The following GLP2R variants were observed in gnomAD, a reference collection of about 807,000 sequenced individuals.
The protein encoded by GLP2R is glucagon like peptide 2 receptor.
A neutral mutation model predicts 68.2 loss-of-function variants in GLP2R; 59 were observed. The observed-to-expected ratio is 0.87, with a 90% CI of 0.70 to 1.07. The LOEUF (loss-of-function observed/expected upper bound fraction) is 1.07, where lower values mean the gene tolerates loss of function less well. Among genes scored for constraint, GLP2R ranks in the 50% least tolerant of loss-of-function variants. GLP2R has a pLI of 0.00. For missense variants in GLP2R, 548 were observed against 677.4 expected, an observed-to-expected ratio of 0.81 and a Z score of 2.12; for synonymous variants, 270 against 265.4, an observed-to-expected ratio of 1.02 and a Z score of -0.17.
intron 1 of GLP2R, among the ~76,000 whole-genome samples, chr17:9,828,184 G>T (rs2066649663): frequency 6.6e-6 from 1 of 152,146 alleles, no homozygotes; most frequent in African/African-American, 2.4e-5. Flanking sequence ...GGTTCCCCTA[G>T]AGGCTGCCTT....
chr17:9,851,783 C>T (rs1027916062), intron 4 of GLP2R, among the ~76,000 whole-genome samples: 2 of 151,912 alleles, frequency 1.3e-5, no homozygotes, highest in Non-Finnish European at 2.9e-5. Context: ...ATTTTTATCT[C>T]ATTTAAAAAA....
intron 4 of GLP2R, among the ~76,000 whole-genome samples, chr17:9,845,635 C>T (rs989527533): frequency 5.3e-5 from 8 of 152,118 alleles, no homozygotes; most frequent in Admixed American, 5.2e-4. Context: ...CCTGGCCTCT[C>T]TGGTTCAGTC....
chr17:9,843,645 T>G (rs1165942856), intron 4 of GLP2R, among the ~76,000 whole-genome samples: 1 of 152,234 alleles, frequency 6.6e-6, no homozygotes, highest in Non-Finnish European at 1.5e-5. Context: ...TGCACCATAC[T>G]TTCTCGTTGG....
rs1439191383 is a variant in GLP2R, at chr17:9,839,439, A to AG, written c.382+2966dup. On this transcript the variant is annotated intron_variant, in intron 3 of 12. Transcript: ENST00000262441. The stretch of plus-strand genomic sequence containing the variant: ...CTTCTCCGCCTCTCTTCCCCATCTA[A>AG]GGAATGGTCTCAGGGTCCACCTGGC... Among the ~76,000 whole-genome samples the AG allele has an allele frequency of 2.0e-5, 3 of 151,858 alleles. No homozygotes were observed. The East Asian group carries it at 5.8e-4, about 29-fold the overall frequency.
chr17:9,844,668 C>CTTTTTTTTTTTTTTTTTTTTTTTTTTTT lies in GLP2R; in HGVS notation c.504+2063_504+2090dup, dbSNP rs71139004. 4.5e-5 allele frequency among the ~76,000 whole-genome samples: 2 copies of CTTTTTTTTTTTTTTTTTTTTTTTTTTTT among 44,276 alleles called. 1 individual carries two copies. The highest frequency in any genetic ancestry group is 9.3e-5 in the Non-Finnish European group (2 of 21,402). The allele number at this position is 44,276 out of a possible 152,430, so 29.0% of individuals were successfully genotyped here. The stretch of plus-strand genomic sequence containing the variant: ...ATTCTCAATATTTTACTACCTAATT[C>CTTTTTTTTTTTTTTTTTTTTTTTTTTTT]TTTTTTTTTTTTTTTTTTTTTTTTT... On this transcript the variant is annotated intron_variant, in intron 4 of 12. Transcript: ENST00000262441.
intron 1 of GLP2R, among the ~76,000 whole-genome samples, chr17:9,829,666 G>C (rs936179267): frequency 6.6e-6 from 1 of 151,986 alleles, no homozygotes; most frequent in Non-Finnish European, 1.5e-5. Context: ...AACATAAAAG[G>C]CTTTGAAACA....
chr17:9,840,091 C>T (rs546244946), intron 3 of GLP2R, among the ~76,000 whole-genome samples: 1 of 152,070 alleles, frequency 6.6e-6, no homozygotes, highest in East Asian at 1.9e-4. Context: ...ATTCTCCTGC[C>T]TCAGCCTCCC....
chr17:9,886,166 T>A (rs750802956), intron 11 of GLP2R, among the ~76,000 whole-genome samples: 1 of 152,228 alleles, frequency 6.6e-6, no homozygotes, highest in Non-Finnish European at 1.5e-5. Context: ...AGAACAGGCA[T>A]CAGCCCTAAC....
chr17:9,854,564 T>G lies in GLP2R; in HGVS notation c.574T>G (p.Ser192Ala). The change falls in exon 5 of 13, where the codon TCC becomes GCC. Residue 192 changes from serine (S) to alanine (A), a missense_variant. Physicochemically the swap from Ser to Ala is moderately conservative, Grantham distance 99. Transcript: ENST00000262441. ...CGTGGGATACTCCTTCTCTCTTATCTCCCTCTTCCTGGCTCTCACCCTCCT... is the reference window on the plus strand; with the variant it reads ...CGTGGGATACTCCTTCTCTCTTATCGCCCTCTTCCTGGCTCTCACCCTCCT... Reference protein sequence around the residue: ...YTVGYSFSLISLFLALTLLLF... With the variant: ...YTVGYSFSLIALFLALTLLLF... The G allele has an allele frequency of 6.2e-7, 1 of 1,610,988 alleles. No homozygotes were observed. The highest frequency in any genetic ancestry group is 8.5e-7 in the Non-Finnish European group (1 of 1,177,172).
intron 11 of GLP2R, among the ~76,000 whole-genome samples, chr17:9,885,487 G>T (rs1357383076): frequency 1.3e-5 from 2 of 152,022 alleles, no homozygotes; most frequent in Non-Finnish European, 2.9e-5. Context: ...CATCCAAGAT[G>T]GTTCATTCAC....
chr17:9,853,104 C>T lies in GLP2R; in HGVS notation c.505-1391C>T, dbSNP rs566991548. ...CGCCAGTGTTACTTTAATTGGACTG[C>T]CTTCGTCATTCATTGTCTCTGCGTC... On this transcript the variant is annotated intron_variant, in intron 4 of 12. Coordinates refer to ENST00000262441, the MANE Select transcript of GLP2R (RefSeq NM_004246.3). 9.2e-5 allele frequency: 49 copies of T among 533,138 alleles called. No homozygotes were observed. The African/African-American group carries it at 9.5e-4, about 10-fold the overall frequency. 33.0% of individuals were successfully genotyped at this position (533,138 alleles called of 1,614,324 possible). A position where few individuals can be genotyped will look rare whatever the true frequency, so the allele number is the denominator to read the frequency against.
At chr17:9,868,928 A>G (rs2067066074) in intron 9 of GLP2R, among the ~76,000 whole-genome samples, 2 of 152,236 alleles carry the variant, frequency 1.3e-5, no homozygotes, top group South Asian at 4.1e-4. Context: ...TTTTCTCTTT[A>G]TGATGAGAGG....
At chr17:9,852,685 G>T (rs8072937) in intron 4 of GLP2R, 80,934 of 220,704 alleles carry the variant, frequency 0.37, 17,887 homozygotes, top group African/African-American at 0.66. Context: ...GGTGTTGATG[G>T]TTTTGAGTCT....
At chr17:9,885,148 T>TTTATTATTG (rs375221661) in intron 11 of GLP2R, among the ~76,000 whole-genome samples, 10 of 143,370 alleles carry the variant, frequency 7.0e-5, no homozygotes, top group Non-Finnish European at 1.5e-4. Flanking sequence ...TAGTAACCAT[T>TTTATTATTG]TTATTATTAT....
At position 9,837,363 on chromosome 17, in the gene GLP2R, C is replaced by T. The variant is rs565927705; in HGVS notation, c.382+888C>T. ...TTAGATCTTACAAATAAGTAGCTCT[C>T]GTACTTTGAAGCTTCTAGAGTACAG... On this transcript the variant is annotated intron_variant, in intron 3 of 12. Transcript: ENST00000262441. 1.1e-4 allele frequency among the ~76,000 whole-genome samples: 16 copies of T among 152,238 alleles called. No homozygotes were observed. In the South Asian group the frequency reaches 1.7e-3, roughly 16 times the overall value.
rs73974322 is a variant in GLP2R, at chr17:9,886,986, A to G, written c.1285-946A>G. The stretch of plus-strand genomic sequence containing the variant: ...CCAAATTCCACAGACCCTTACATCA[A>G]TTAGGGACAGCCAGGACATGTAGGT... On this transcript the variant is annotated intron_variant, in intron 11 of 12. Coordinates refer to ENST00000262441, the MANE Select transcript of GLP2R (RefSeq NM_004246.3). 9.0e-3 allele frequency among the ~76,000 whole-genome samples: 1,376 copies of G among 152,272 alleles called. 16 individuals carry two copies. The highest frequency in any genetic ancestry group is 0.031 in the African/African-American group (1,289 of 41,548).
intron 1 of GLP2R, among the ~76,000 whole-genome samples, chr17:9,830,175 G>A (rs4791880): frequency 0.072 from 10,948 of 152,268 alleles, 1,246 homozygotes; most frequent in African/African-American, 0.25. Context: ...TTTAGTTTTA[G>A]TTTGTTTTTC....
rs1475411002 is a variant in GLP2R at position 9,889,791 on chromosome 17, G to C, written c.*86G>C. 16 of 792,972 alleles carry C rather than the reference G, an allele frequency of 2.0e-5. No individual in the cohort carries two copies. Among genetic ancestry groups the C allele is most frequent in the Admixed American group, 5.5e-5 (2 of 36,530 alleles). The allele number at this position is 792,972 out of a possible 1,614,324, so 49.1% of individuals were successfully genotyped here. ...AAGCAAAGCAGGACACACGTTGCTG[G>C]GCACGGAATCATTCTCGTTCCATTC... On this transcript the variant is annotated 3_prime_UTR_variant, in exon 13 of 13. Transcript: ENST00000262441.
At chr17:9,880,675 C>T (rs991794353) in intron 11 of GLP2R, among the ~76,000 whole-genome samples, 159 bp downstream of exon 11, 10 of 152,122 alleles carry the variant, frequency 6.6e-5, no homozygotes, top group African/African-American at 9.7e-5. Context: ...GGCATGCAGA[C>T]GGGGAAGTAT....
Sources: gnomAD v4.1 joint callset for allele counts (sites outside exome capture counted in the v4.1 genomes callset) on GRCh38, gnomAD v4.1.1 for gene constraint, MANE v1.5 for transcripts, NCBI Gene and HGNC (gene_info 2026-07-23, HGNC 2026-07-21) for gene names.